Variants in RNF182 observed in about 807,000 individuals in gnomAD.
RNF182 encodes ring finger protein 182.
In RNF182, 15 loss-of-function variants were observed where a neutral mutation model predicts 14.4. The ratio of observed to expected loss-of-function variants is 1.04; its 90% CI spans 0.70 to 1.60. RNF182 has a LOEUF of 1.60. RNF182 is among the 40% of genes most tolerant of loss of function. RNF182 has a pLI of 0.00. For synonymous variants in RNF182, 128 were observed against 122.9 expected, an observed-to-expected ratio of 1.04 and a Z score of -0.27; for missense variants, 268 against 294.8, an observed-to-expected ratio of 0.91 and a Z score of 0.67.
rs1470787168 is a variant in RNF182, at chr6:13,978,141, C to T, written c.*278C>T. 5.4e-6 allele frequency: 2 copies of T among 367,532 alleles called. No individual in the cohort carries two copies. The highest frequency in any genetic ancestry group is 4.1e-5 in the African/African-American group (2 of 48,582). 22.8% of individuals were successfully genotyped at this position (367,532 alleles called of 1,614,324 possible). A position where few individuals can be genotyped will look rare whatever the true frequency, so the allele number is the denominator to read the frequency against. On this transcript the variant is annotated 3_prime_UTR_variant, in exon 3 of 3. Coordinates refer to ENST00000488300, the MANE Select transcript of RNF182 (RefSeq NM_152737.4). ...AGGACAGGGTTTCTCTCAGCACTGC[C>T]AGACAGACGGCAGGGGTGTGGTGTG...
chr6:13,943,808 T>C (rs913529480), intron 1 of RNF182, among the ~76,000 whole-genome samples: 4 of 152,162 alleles, frequency 2.6e-5, no homozygotes, highest in Admixed American at 6.5e-5. Flanking sequence ...TTAACTGAAC[T>C]GAACAAAAGA....
chr6:13,938,710 C>G (rs1308346078), intron 1 of RNF182, among the ~76,000 whole-genome samples: 2 of 152,166 alleles, frequency 1.3e-5, no homozygotes, highest in Non-Finnish European at 2.9e-5. Context: ...TATCTCTTCT[C>G]CATTAAATTG....
intron 2 of RNF182, among the ~76,000 whole-genome samples, chr6:13,975,549 T>C (rs1760300871): frequency 6.6e-6 from 1 of 152,202 alleles, no homozygotes; most frequent in Admixed American, 6.5e-5. Context: ...CTATACATCT[T>C]GCCACTGCTA....
At chr6:13,926,467 T>C (rs1285898434) in intron 1 of RNF182, among the ~76,000 whole-genome samples, 1 of 152,254 alleles carries the variant, frequency 6.6e-6, no homozygotes, top group African/African-American at 2.4e-5. Context: ...ATTAGAAGAT[T>C]GTATTGGAAA....
intron 1 of RNF182, among the ~76,000 whole-genome samples, chr6:13,959,360 C>T (rs556580204): frequency 5.0e-4 from 76 of 152,276 alleles, no homozygotes; most frequent in African/African-American, 1.7e-3. Flanking sequence ...CCAGATTATA[C>T]GGTACCTTGC....
intron 2 of RNF182, among the ~76,000 whole-genome samples, chr6:13,975,525 C>A (rs558677247): frequency 7.9e-5 from 12 of 152,304 alleles, no homozygotes; most frequent in African/African-American, 2.9e-4. Context: ...AGATTGACTT[C>A]TTTTTGCCAC....
chr6:13,927,064 C>G lies in RNF182; in HGVS notation c.-367+2041C>G, dbSNP rs553662369. ...TCAATATAGTTTGGCTTCTTCAGAGCTGCATCATTTTCTGCCAAAAAATAA... is the reference window on the plus strand; with the variant it reads ...TCAATATAGTTTGGCTTCTTCAGAGGTGCATCATTTTCTGCCAAAAAATAA... On this transcript the variant is annotated intron_variant, in intron 1 of 2. Transcript: ENST00000488300. Among the ~76,000 whole-genome samples the G allele has an allele frequency of 6.6e-5, 10 of 152,240 alleles. No individual in the cohort carries two copies. In the East Asian group the frequency reaches 1.7e-3, roughly 26 times the overall value.
chr6:13,980,237 T>TTTTAA lies in RNF182; in HGVS notation c.*2378_*2379insATTTA, dbSNP rs1760461076. 6.7e-6 allele frequency: 1 copy of TTTTAA among 149,706 alleles called. No individual in the cohort carries two copies. 9.3% of individuals were successfully genotyped at this position (149,706 alleles called of 1,614,324 possible). A position where few individuals can be genotyped will look rare whatever the true frequency, so the allele number is the denominator to read the frequency against. ...TTTTATTTTATTTTATTTTATTTTA[T>TTTTAA]TTTATTTATTTATTTTAAAGCAGGG... On this transcript the variant is annotated 3_prime_UTR_variant, in exon 3 of 3. Transcript: ENST00000488300.
At position 13,968,286 on chromosome 6, in the gene RNF182, G is replaced by A. The variant is rs1160970775; in HGVS notation, c.-366-5924G>A. Among the ~76,000 whole-genome samples the A allele has an allele frequency of 2.6e-5, 4 of 152,224 alleles. No homozygotes were observed. The East Asian group carries it at 7.7e-4, about 29-fold the overall frequency. On this transcript the variant is annotated intron_variant, in intron 1 of 2. Transcript: ENST00000488300. ...TGCAAAGACGATAACAGAATTTGCG[G>A]AACTCTACAGCAATGAATTTGAAAA... is the stretch of plus-strand genomic sequence containing the variant.
chr6:13,974,489 C>G (rs940918146), intron 2 of RNF182, 125 bp downstream of exon 2: 2 of 152,148 alleles, frequency 1.3e-5, no homozygotes, highest in Non-Finnish European at 1.5e-5. Context: ...TCTTAACATA[C>G]TCAGTAATCT....
intron 1 of RNF182, among the ~76,000 whole-genome samples, chr6:13,931,734 G>A (rs562557943): frequency 1.3e-5 from 2 of 151,748 alleles, no homozygotes; most frequent in East Asian, 1.9e-4. Flanking sequence ...TTAGTGATAC[G>A]ACCTTGAGGT....
chr6:13,974,751 T>C (rs1369939715), intron 2 of RNF182, among the ~76,000 whole-genome samples: 3 of 152,266 alleles, frequency 2.0e-5, no homozygotes, highest in African/African-American at 7.2e-5. Flanking sequence ...TCTAGCTTTC[T>C]GTACAAAATT....
chr6:13,973,639 T>G (rs1760251277), intron 1 of RNF182, among the ~76,000 whole-genome samples: 1 of 152,190 alleles, frequency 6.6e-6, no homozygotes, highest in Admixed American at 6.5e-5. Context: ...CCTGCCGCCA[T>G]GTAAGACATG....
chr6:13,933,891 G>C (rs146645015), intron 1 of RNF182, among the ~76,000 whole-genome samples: 1 of 152,002 alleles, frequency 6.6e-6, no homozygotes, highest in Non-Finnish European at 1.5e-5. Flanking sequence ...GGTGGCATGC[G>C]CCTGTAGTCC....
At chr6:13,927,646 A>G (rs1758862174) in intron 1 of RNF182, among the ~76,000 whole-genome samples, 1 of 152,252 alleles carries the variant, frequency 6.6e-6, no homozygotes, top group Admixed American at 6.5e-5. Context: ...TGTGCCATTG[A>G]AAGTCAGTTG....
chr6:13,951,108 T>G (rs1213722651), intron 1 of RNF182, among the ~76,000 whole-genome samples: 1 of 152,214 alleles, frequency 6.6e-6, no homozygotes, highest in Admixed American at 6.5e-5. Flanking sequence ...CTTATTTTTC[T>G]TTAAGTCAGT....
chr6:13,932,038 T>G (rs1418769422), intron 1 of RNF182, among the ~76,000 whole-genome samples: 1 of 152,204 alleles, frequency 6.6e-6, no homozygotes, highest in African/African-American at 2.4e-5. Flanking sequence ...TGCCAGCACC[T>G]TAATCTTGGA....
At chr6:13,962,645 C>A (rs1459082652) in intron 1 of RNF182, among the ~76,000 whole-genome samples, 7 of 152,042 alleles carry the variant, frequency 4.6e-5, no homozygotes. Flanking sequence ...TGTTACAGAG[C>A]CATTTAAAAT....
intron 1 of RNF182, among the ~76,000 whole-genome samples, chr6:13,959,896 G>T (rs1343962263): frequency 1.3e-5 from 2 of 152,128 alleles, no homozygotes; most frequent in South Asian, 2.1e-4. Context: ...CAAACTGGGG[G>T]GCAGTCATCA....
Sources: allele counts gnomAD v4.1 joint callset (sites outside exome capture counted in the v4.1 genomes callset), GRCh38; gene constraint gnomAD v4.1.1; transcripts MANE v1.5; gene names NCBI Gene and HGNC (gene_info 2026-07-23, HGNC 2026-07-21).